RANBP2: variants seen among roughly 807,000 people sequenced by gnomAD.
RANBP2 encodes the protein RAN binding protein 2.
RANBP2 carries 57 observed loss-of-function variants against 303.6 expected under a neutral mutation model. The ratio of observed to expected loss-of-function variants is 0.19; its 90% confidence interval spans 0.15 to 0.23. RANBP2 has a LOEUF of 0.23. RANBP2 is among the 10% of genes least tolerant of loss of function. RANBP2 has a pLI of 1.00. For synonymous variants in RANBP2, 1,167 were observed against 1,301.5 expected, an observed-to-expected ratio of 0.90 and a Z score of 2.23; for missense variants, 3,138 against 3,780.8, an observed-to-expected ratio of 0.83 and a Z score of 4.46.
chr2:109,427,283 T>G, the RANBP2 span, among the ~76,000 whole-genome samples: 8 of 151,788 alleles, frequency 5.3e-5, no homozygotes, highest in African/African-American at 1.9e-4. Context: ...AAAATATTTC[T>G]TAATTAAGGT....
the RANBP2 span, among the ~76,000 whole-genome samples, chr2:108,821,796 T>A: frequency 4.9e-4 from 74 of 151,930 alleles, no homozygotes; most frequent in Admixed American, 2.7e-3. Flanking sequence ...AATACAAAAA[T>A]TAGCCGGGCG....
rs1488613191 is a variant in RANBP2, at chr2:108,762,315, A to C, written c.2697+120A>C. On this transcript the variant is annotated intron_variant, in intron 19 of 28. Transcript: ENST00000283195. ...AACTTTTATGTCCCTTAAAATGTAG[A>C]TATTTTAAATTTATCTCCAAATACA... 12 of 1,012,352 alleles carry C rather than the reference A, an allele frequency of 1.2e-5. No individual in the cohort carries two copies. In the African/African-American group the frequency reaches 2.4e-4, roughly 20 times the overall value. The allele number at this position is 1,012,352 out of a possible 1,614,324, so 62.7% of individuals were successfully genotyped here. A position where few individuals can be genotyped will look rare whatever the true frequency, so the allele number is the denominator to read the frequency against.
chr2:109,314,617 C>A, the RANBP2 span, among the ~76,000 whole-genome samples: 1 of 152,236 alleles, frequency 6.6e-6, no homozygotes, highest in Non-Finnish European at 1.5e-5. Context: ...GTCTGTCACT[C>A]TCCATGGTCT....
the RANBP2 span, among the ~76,000 whole-genome samples, chr2:109,391,389 G>A: frequency 6.6e-6 from 1 of 152,210 alleles, no homozygotes; most frequent in Non-Finnish European, 1.5e-5. Context: ...GTGCTGGAGG[G>A]ATGCAGGTCA....
downstream of RANBP2, chr2:108,786,800 G>A (rs1558952353): frequency 1.3e-6 from 2 of 1,572,668 alleles, no homozygotes; most frequent in Admixed American, 1.9e-5. Flanking sequence ...TTCCCGGGGA[G>A]ACTGGTACGG....
At chr2:109,681,089 G>T in the RANBP2 span, among the ~76,000 whole-genome samples, 1 of 152,174 alleles carries the variant, frequency 6.6e-6, no homozygotes, top group African/African-American at 2.4e-5. Context: ...TGGACAGTAA[G>T]CAGCTAGTGT....
chr2:109,442,044 G>A, the RANBP2 span, among the ~76,000 whole-genome samples: 1 of 152,194 alleles, frequency 6.6e-6, no homozygotes, highest in African/African-American at 2.4e-5. Context: ...AGGCACAGTG[G>A]CTCACGCCTG....
the RANBP2 span, among the ~76,000 whole-genome samples, chr2:108,927,126 C>G: frequency 1.3e-5 from 2 of 152,224 alleles, no homozygotes; most frequent in Non-Finnish European, 2.9e-5. Context: ...AACCTGGAAA[C>G]TGTCCCCATC....
chr2:108,856,943 A>G, the RANBP2 span: 3 of 1,605,080 alleles, frequency 1.9e-6, no homozygotes, highest in Non-Finnish European at 2.6e-6. Context: ...TGTTATTGAT[A>G]GTTTGCTCCA....
chr2:109,613,279 A>G, the RANBP2 span: 3 of 842,906 alleles, frequency 3.6e-6, no homozygotes, highest in Non-Finnish European at 4.8e-6. Flanking sequence ...AGTACAAAAG[A>G]GTCAAGGCGG....
the RANBP2 span, among the ~76,000 whole-genome samples, chr2:109,478,628 T>A: frequency 6.6e-6 from 1 of 152,226 alleles, no homozygotes; most frequent in South Asian, 2.1e-4. Context: ...CTAAGAAGTT[T>A]GTTGGAATGC....
chr2:109,483,731 G>A, the RANBP2 span, among the ~76,000 whole-genome samples: 1 of 152,174 alleles, frequency 6.6e-6, no homozygotes, highest in Non-Finnish European at 1.5e-5. Flanking sequence ...ACCCAGCTGT[G>A]CCACATGAGG....
the RANBP2 span, among the ~76,000 whole-genome samples, chr2:109,375,487 T>C: frequency 6.6e-6 from 1 of 152,204 alleles, no homozygotes; most frequent in Non-Finnish European, 1.5e-5. Flanking sequence ...AACTCTAGTC[T>C]AGCGGATGGG....
the RANBP2 span, among the ~76,000 whole-genome samples, chr2:109,322,009 A>T: frequency 2.0e-5 from 3 of 152,150 alleles, no homozygotes; most frequent in African/African-American, 7.2e-5. Flanking sequence ...ACATTTCAAG[A>T]AGTGGATGGC....
At chr2:109,588,329 TAA>T in the RANBP2 span, among the ~76,000 whole-genome samples, 1 of 152,042 alleles carries the variant, frequency 6.6e-6, no homozygotes. Flanking sequence ...TGGGTAAATG[TAA>T]GAGAGGTTTT....
At chr2:109,072,459 A>G in the RANBP2 span, among the ~76,000 whole-genome samples, 1 of 152,124 alleles carries the variant, frequency 6.6e-6, no homozygotes, top group African/African-American at 2.4e-5. Flanking sequence ...GAGAGCACCA[A>G]AGAAGGTCCT....
chr2:109,346,893 A>G, the RANBP2 span, among the ~76,000 whole-genome samples: 1 of 152,222 alleles, frequency 6.6e-6, no homozygotes, highest in Non-Finnish European at 1.5e-5. Flanking sequence ...AGACTGCTAC[A>G]AGTACATGCA....
At chr2:109,439,794 G>A in the RANBP2 span, among the ~76,000 whole-genome samples, 1 of 151,930 alleles carries the variant, frequency 6.6e-6, no homozygotes, top group East Asian at 1.9e-4. Flanking sequence ...GGAAACAGAG[G>A]AAAACCAGAC....
At chr2:108,731,206 T>G (rs985662194) in intron 3 of RANBP2, 116 bp from the exon 4 acceptor site, 6 of 1,453,564 alleles carry the variant, frequency 4.1e-6, no homozygotes, top group Non-Finnish European at 5.5e-6. Context: ...TCTCTAGAAG[T>G]AGAATTTTTT....
Sources: allele counts gnomAD v4.1 joint callset (sites outside exome capture counted in the v4.1 genomes callset), GRCh38; gene constraint gnomAD v4.1.1; transcripts MANE v1.5; gene names NCBI Gene and HGNC (gene_info 2026-07-23, HGNC 2026-07-21).